Variants in DKK2 observed in about 807,000 individuals in gnomAD.
DKK2 encodes dickkopf Wnt signaling pathway inhibitor 2.
A neutral mutation model predicts 28.1 loss-of-function variants in DKK2; 11 were observed. The ratio of observed to expected loss-of-function variants is 0.39; its 90% CI spans 0.25 to 0.65. The LOEUF (loss-of-function observed/expected upper bound fraction) is 0.65. Among genes scored for constraint, DKK2 ranks in the 30% least tolerant of loss-of-function variants. The pLI is 0.47. For synonymous variants in DKK2, 135 were observed against 126.5 expected, an observed-to-expected ratio of 1.07 and a Z score of -0.45; for missense variants, 326 against 335.5, an observed-to-expected ratio of 0.97 and a Z score of 0.22.
At chr4:106,991,309 T>G (rs1249755535) in intron 1 of DKK2, among the ~76,000 whole-genome samples, 1 of 152,128 alleles carries the variant, frequency 6.6e-6, no homozygotes, top group Non-Finnish European at 1.5e-5. Flanking sequence ...ATCCTTCAGA[T>G]TCTTTCTTTT....
chr4:107,005,931 T>C (rs1211621992), intron 1 of DKK2, among the ~76,000 whole-genome samples: 1 of 152,190 alleles, frequency 6.6e-6, no homozygotes, highest in East Asian at 1.9e-4. Context: ...ATCAGAATCA[T>C]TGTGGAAGCT....
At chr4:106,924,757 AT>A in intron 2 of DKK2, 57 bp from the exon 3 acceptor site, 1 of 1,518,626 alleles carries the variant, frequency 6.6e-7, no homozygotes, top group African/African-American at 1.4e-5. Context: ...TGTGATACTT[AT>A]CCACATACTC....
chr4:106,928,679 C>T lies in DKK2; in HGVS notation c.223-2730G>A, dbSNP rs544437359. On this transcript the variant is annotated intron_variant, in intron 1 of 3. Coordinates refer to ENST00000285311, the MANE Select transcript of DKK2 (RefSeq NM_014421.3). ...GTCCCTTAGCCCAGATTTTTTCAACCGTAAAGCTTACCTTGTAATAACTTC... is the reference window on the plus strand; with the variant it reads ...GTCCCTTAGCCCAGATTTTTTCAACTGTAAAGCTTACCTTGTAATAACTTC... 9.9e-5 allele frequency among the ~76,000 whole-genome samples: 15 copies of T among 152,074 alleles called. No homozygotes were observed. The East Asian group carries it at 2.1e-3, about 22-fold the overall frequency.
intron 1 of DKK2, among the ~76,000 whole-genome samples, chr4:106,940,023 C>T (rs978018455): frequency 1.3e-5 from 2 of 152,242 alleles, no homozygotes; most frequent in Admixed American, 1.3e-4. Context: ...AAAACCTAGG[C>T]AATACCATTC....
chr4:107,012,288 C>G (rs913936708), intron 1 of DKK2, among the ~76,000 whole-genome samples: 2 of 151,438 alleles, frequency 1.3e-5, no homozygotes, highest in African/African-American at 2.4e-5. Context: ...GATTAAAGAA[C>G]ATTCACAGTA....
At chr4:106,972,432 A>AC in intron 1 of DKK2, among the ~76,000 whole-genome samples, 1 of 152,032 alleles carries the variant, frequency 6.6e-6, no homozygotes, top group East Asian at 1.9e-4. Context: ...AAAAAAAAAA[A>AC]AAAGACTTTG....
At chr4:106,984,781 C>T (rs921696851) in intron 1 of DKK2, among the ~76,000 whole-genome samples, 6 of 152,114 alleles carry the variant, frequency 3.9e-5, no homozygotes, top group Admixed American at 6.6e-5. Context: ...TATCCTTCAA[C>T]GGGTGAATGG....
intron 1 of DKK2, among the ~76,000 whole-genome samples, chr4:106,982,075 A>G (rs1674713828): frequency 6.6e-6 from 1 of 152,202 alleles, no homozygotes; most frequent in African/African-American, 2.4e-5. Context: ...AGTTCACAGA[A>G]CAAATATTTT....
chr4:107,019,323 A>G (rs908193957), intron 1 of DKK2, among the ~76,000 whole-genome samples: 17 of 152,038 alleles, frequency 1.1e-4, no homozygotes, highest in African/African-American at 4.1e-4. Flanking sequence ...ACTGAGTCAC[A>G]TGGGATCACA....
In DKK2 at chr4:106,940,395, A is replaced by G. The variant is rs933127786; in HGVS notation, c.223-14446T>C. 3.0e-3 allele frequency among the ~76,000 whole-genome samples: 463 copies of G among 151,976 alleles called. 1 individual carries two copies. Among genetic ancestry groups the G allele is most frequent in the Admixed American group, 5.2e-3 (79 of 15,280 alleles). On this transcript the variant is annotated intron_variant, in intron 1 of 3. Transcript: ENST00000285311. Reference sequence around the variant, plus strand: ...ACTGGCCGTCAGAGAAATGCAAATCAAAACCACAATGAGATACCATCTCAC... The same window carrying G: ...ACTGGCCGTCAGAGAAATGCAAATCGAAACCACAATGAGATACCATCTCAC...
At chr4:107,006,139 T>C (rs1318985463) in intron 1 of DKK2, among the ~76,000 whole-genome samples, 8 of 152,204 alleles carry the variant, frequency 5.3e-5, no homozygotes, top group Non-Finnish European at 1.0e-4. Context: ...AATGCTAGAA[T>C]GTAGCAAATG....
At chr4:107,002,312 G>A (rs1430804834) in intron 1 of DKK2, among the ~76,000 whole-genome samples, 1 of 152,122 alleles carries the variant, frequency 6.6e-6, no homozygotes, top group Non-Finnish European at 1.5e-5. Context: ...TATTGATGAT[G>A]TGTGGCTATA....
At chr4:106,980,920 A>G (rs1163552437) in intron 1 of DKK2, among the ~76,000 whole-genome samples, 2 of 152,178 alleles carry the variant, frequency 1.3e-5, no homozygotes, top group African/African-American at 4.8e-5. Context: ...AAAACTCACA[A>G]ACATGGTCTC....
rs1431820700 is a variant in DKK2, at chr4:107,035,719, T to C, written c.-128A>G. The C allele has an allele frequency of 3.2e-6, 3 of 929,166 alleles. No homozygotes were observed. The highest frequency in any genetic ancestry group is 4.9e-6 in the Non-Finnish European group (3 of 616,090). The allele number at this position is 929,166 out of a possible 1,614,324, so 57.6% of individuals were successfully genotyped here. ...CTTGCAGATTGTGTTCCCTCAACCC[T>C]TCCTGGTTCGGGGACCCAGGACCCT... On this transcript the variant is annotated 5_prime_UTR_variant, in exon 1 of 4. Coordinates refer to ENST00000285311, the MANE Select transcript of DKK2 (RefSeq NM_014421.3).
At chr4:106,997,915 A>G (rs1363653171) in intron 1 of DKK2, among the ~76,000 whole-genome samples, 1 of 152,198 alleles carries the variant, frequency 6.6e-6, no homozygotes, top group Admixed American at 6.5e-5. Flanking sequence ...ATTCCATTAG[A>G]GTGTAGTGTT....
chr4:106,971,963 C>T (rs1375598750), intron 1 of DKK2, among the ~76,000 whole-genome samples: 1 of 152,016 alleles, frequency 6.6e-6, no homozygotes, highest in Non-Finnish European at 1.5e-5. Flanking sequence ...ATGTAGCAAC[C>T]TGACACTACT....
At chr4:106,943,315 A>G (rs998969141) in intron 1 of DKK2, among the ~76,000 whole-genome samples, 2 of 152,044 alleles carry the variant, frequency 1.3e-5, no homozygotes, top group Admixed American at 1.3e-4. Flanking sequence ...CTGTATCTTC[A>G]GTGGCCACAT....
intron 1 of DKK2, among the ~76,000 whole-genome samples, chr4:106,967,250 G>T (rs116092216): frequency 0.028 from 4,320 of 152,184 alleles, 70 homozygotes; most frequent in Non-Finnish European, 0.036. Flanking sequence ...ATAAAATAAA[G>T]CCACCAAACT....
intron 1 of DKK2, among the ~76,000 whole-genome samples, chr4:106,997,738 G>A (rs1723296610): frequency 6.6e-6 from 1 of 152,204 alleles, no homozygotes; most frequent in Admixed American, 6.5e-5. Context: ...CAGGTATGTT[G>A]AAATGCATAT....
Sources: gnomAD v4.1 joint callset for allele counts (sites outside exome capture counted in the v4.1 genomes callset) on GRCh38, gnomAD v4.1.1 for gene constraint, MANE v1.5 for transcripts, NCBI Gene and HGNC (gene_info 2026-07-23, HGNC 2026-07-21) for gene names.